The following KHDC1 variants were observed in gnomAD, a reference collection of about 807,000 sequenced individuals.
KHDC1 encodes the protein KH homology domain-containing protein 1.
In KHDC1, 21 loss-of-function variants were observed where a neutral mutation model predicts 24.7. That is an observed-to-expected ratio of 0.85 (90% CI 0.60 to 1.23). KHDC1 has a LOEUF of 1.23. KHDC1 is among the 50% of genes most tolerant of loss of function. The pLI, the probability that KHDC1 is intolerant of heterozygous loss-of-function variation, is 0.00. For synonymous variants in KHDC1, 98 were observed against 111.7 expected, an observed-to-expected ratio of 0.88 and a Z score of 0.77; for missense variants, 274 against 298.5, an observed-to-expected ratio of 0.92 and a Z score of 0.61.
exon 1 of KHDC1, chr6:73,309,585 C>T (rs768630898): frequency 1.9e-6 from 3 of 1,543,434 alleles, no homozygotes; most frequent in South Asian, 1.2e-5. Context: ...TGGAAAGACA[C>T]TGTCCCGATC....
chr6:73,254,110 G>T lies in KHDC1; in HGVS notation c.207-11580C>A, dbSNP rs577645579. Among the ~76,000 whole-genome samples, 15 of 152,144 alleles carry T rather than the reference G, an allele frequency of 9.9e-5. No homozygotes were observed. The East Asian group carries it at 1.9e-3, about 20-fold the overall frequency. ...GAAACCATTAGCAAATATTTTATAG[G>T]CATGGACTAAGGAGGGCATTCGTAA... On this transcript the variant is annotated intron_variant, in intron 2 of 4. Coordinates refer to ENST00000370384, the Ensembl canonical transcript of KHDC1.
intron 2 of KHDC1, among the ~76,000 whole-genome samples, chr6:73,284,340 A>G (rs1009756338): frequency 6.6e-6 from 1 of 152,184 alleles, no homozygotes; most frequent in Non-Finnish European, 1.5e-5. Flanking sequence ...TTGTTTTTCA[A>G]ACTTTTGCAT....
At chr6:73,244,121 T>C (rs960883386) in intron 2 of KHDC1, among the ~76,000 whole-genome samples, 5 of 152,152 alleles carry the variant, frequency 3.3e-5, no homozygotes, top group African/African-American at 4.8e-5. Flanking sequence ...CCTATAGAAG[T>C]AGATGTTTAA....
At chr6:73,302,038 C>A (rs181414041) in intron 1 of KHDC1, among the ~76,000 whole-genome samples, 4 of 152,222 alleles carry the variant, frequency 2.6e-5, no homozygotes, top group Admixed American at 2.0e-4. Flanking sequence ...ACCTGTAATT[C>A]CAGCACTTTG....
intron 2 of KHDC1, among the ~76,000 whole-genome samples, chr6:73,280,038 CCTT>C (rs1767375524): frequency 1.3e-5 from 2 of 152,182 alleles, no homozygotes. Flanking sequence ...CTACATCCAT[CCTT>C]CTCTACTTTT....
chr6:73,279,575 ATTTTTTTTT>A (rs560281126), intron 2 of KHDC1, among the ~76,000 whole-genome samples: 6 of 98,312 alleles, frequency 6.1e-5, no homozygotes, highest in African/African-American at 2.2e-4. Context: ...GGGACCATGG[ATTTTTTTTT>A]TTTTTTTTTT....
At chr6:73,246,699 T>C (rs1582550514) in intron 2 of KHDC1, among the ~76,000 whole-genome samples, 1 of 152,246 alleles carries the variant, frequency 6.6e-6, no homozygotes. Context: ...ATCATTTTAT[T>C]ACAAATAACC....
chr6:73,284,191 T>C (rs1767473816), intron 2 of KHDC1, among the ~76,000 whole-genome samples: 1 of 152,196 alleles, frequency 6.6e-6, no homozygotes, highest in African/African-American at 2.4e-5. Context: ...GGGCCTGACT[T>C]CTGCCAAAAT....
chr6:73,285,471 ACAGGCAC>A (rs1471977999), intron 2 of KHDC1, among the ~76,000 whole-genome samples: 1 of 151,800 alleles, frequency 6.6e-6, no homozygotes, highest in African/African-American at 2.4e-5. Context: ...AGCTGAGATT[ACAGGCAC>A]CTGCCACCAT....
At chr6:73,291,970 G>A (rs775645533) in intron 2 of KHDC1, 3 of 1,612,838 alleles carry the variant, frequency 1.9e-6, no homozygotes, top group African/African-American at 1.3e-5. Flanking sequence ...AGATGGCGGG[G>A]TACGACTTAA....
At chr6:73,281,337 A>C (rs538903501) in intron 2 of KHDC1, among the ~76,000 whole-genome samples, 9 of 129,682 alleles carry the variant, frequency 6.9e-5, no homozygotes, top group African/African-American at 2.6e-4. Context: ...AGACTCTCTC[A>C]AAAAAAAAAA....
chr6:73,297,963 C>T (rs991417764), intron 1 of KHDC1, among the ~76,000 whole-genome samples: 2 of 151,930 alleles, frequency 1.3e-5, no homozygotes, highest in Admixed American at 1.3e-4. Context: ...TTGGCAAAAC[C>T]GCAGATCACA....
At chr6:73,247,898 G>A (rs1300276730) in intron 2 of KHDC1, among the ~76,000 whole-genome samples, 1 of 150,682 alleles carries the variant, frequency 6.6e-6, no homozygotes, top group Non-Finnish European at 1.5e-5. Flanking sequence ...AAGTGGAAGT[G>A]GTAGCCCCTT....
At chr6:73,279,700 C>T (rs146407753) in intron 2 of KHDC1, among the ~76,000 whole-genome samples, 2 of 150,984 alleles carry the variant, frequency 1.3e-5, no homozygotes, top group African/African-American at 4.9e-5. Flanking sequence ...CTGCCTCAGT[C>T]CCCCAAGTAA....
intron 2 of KHDC1, among the ~76,000 whole-genome samples, chr6:73,267,555 C>T (rs1354865102): frequency 1.3e-5 from 2 of 152,042 alleles, no homozygotes; most frequent in Non-Finnish European, 2.9e-5. Flanking sequence ...AATTTGAACC[C>T]TTGTTATTAC....
intron 2 of KHDC1, among the ~76,000 whole-genome samples, chr6:73,253,328 G>C (rs910242800): frequency 6.6e-6 from 1 of 152,002 alleles, no homozygotes; most frequent in Non-Finnish European, 1.5e-5. Context: ...GGCCGAGGGG[G>C]GTGGATCACA....
chr6:73,286,882 C>CA (rs34820901), intron 2 of KHDC1, among the ~76,000 whole-genome samples: 122,551 of 141,754 alleles, frequency 0.86, 53,361 homozygotes, highest in Middle Eastern at 0.94. Flanking sequence ...GACTCTGTCT[C>CA]AAAAAAAAAA....
At chr6:73,283,300 TTAAC>T (rs1460602951) in intron 2 of KHDC1, among the ~76,000 whole-genome samples, 1 of 152,186 alleles carries the variant, frequency 6.6e-6, no homozygotes, top group African/African-American at 2.4e-5. Context: ...TTATTCATTT[TTAAC>T]TGTGTGGACT....
At chr6:73,293,279 GA>G in intron 1 of KHDC1, 1 of 607,838 alleles carries the variant, frequency 1.6e-6, no homozygotes, top group African/African-American at 1.9e-5. Context: ...TTCTACTGAA[GA>G]AACATAAGGA....
Sources: gnomAD v4.1 joint callset for allele counts (sites outside exome capture counted in the v4.1 genomes callset) on GRCh38, gnomAD v4.1.1 for gene constraint, MANE v1.5 for transcripts, NCBI Gene and HGNC (gene_info 2026-07-23, HGNC 2026-07-21) for gene names.